The following RB1 variants were observed in gnomAD, a reference collection of about 807,000 sequenced individuals.
RB1 encodes the protein RB transcriptional corepressor 1.
RB1 carries 18 observed loss-of-function variants against 135.4 expected under a neutral mutation model. That is an observed-to-expected ratio of 0.13 (90% CI 0.09 to 0.20). The LOEUF (loss-of-function observed/expected upper bound fraction) is 0.20, where lower values mean the gene tolerates loss of function less well. RB1 is among the 10% of genes least tolerant of loss of function. The pLI is 1.00. For synonymous variants in RB1, 365 were observed against 373.2 expected, an observed-to-expected ratio of 0.98 and a Z score of 0.25; for missense variants, 868 against 1,110.0, an observed-to-expected ratio of 0.78 and a Z score of 3.10.
At chr13:48,395,520 T>C (rs1404667536) in intron 17 of RB1, among the ~76,000 whole-genome samples, 3 of 151,856 alleles carry the variant, frequency 2.0e-5, no homozygotes, top group African/African-American at 7.3e-5. Context: ...ATAACCAGTT[T>C]AGAGAAGAAC....
At chr13:48,307,432 A>G (rs1952091211) in intron 2 of RB1, 26 bp downstream of exon 2, 3 of 1,608,482 alleles carry the variant, frequency 1.9e-6, no homozygotes, top group Non-Finnish European at 2.5e-6. Flanking sequence ...AAACGTTTTG[A>G]AATTTTTTTT....
At chr13:48,322,384 C>G (rs1327647189) in intron 2 of RB1, among the ~76,000 whole-genome samples, 1 of 152,150 alleles carries the variant, frequency 6.6e-6, no homozygotes, top group Non-Finnish European at 1.5e-5. Flanking sequence ...ATTTTGTACT[C>G]TGAAAACTTG....
intron 19 of RB1, among the ~76,000 whole-genome samples, chr13:48,458,295 A>ATG (rs1949374581): frequency 6.6e-6 from 1 of 150,430 alleles, no homozygotes; most frequent in Non-Finnish European, 1.5e-5. Context: ...CTGAGTGTGT[A>ATG]TATATGGTGG....
chr13:48,444,241 G>A (rs1356777230), intron 17 of RB1, among the ~76,000 whole-genome samples: 1 of 152,170 alleles, frequency 6.6e-6, no homozygotes, highest in African/African-American at 2.4e-5. Context: ...AGGATACTGG[G>A]CACGGTGGCT....
At chr13:48,437,707 G>A (rs1949198597) in intron 17 of RB1, among the ~76,000 whole-genome samples, 1 of 152,174 alleles carries the variant, frequency 6.6e-6, no homozygotes, top group South Asian at 2.1e-4. Flanking sequence ...AACCCCAGTG[G>A]AAGAGATCCT....
intron 2 of RB1, chr13:48,317,345 C>A (rs112221704): frequency 7.8e-6 from 3 of 386,526 alleles, no homozygotes; most frequent in African/African-American, 2.1e-5. Flanking sequence ...CTCCCGACGC[C>A]CCGCCTCCAC....
At chr13:48,348,916 A>G (rs1169137111) in intron 5 of RB1, 40 bp from the exon 6 acceptor site, 2 of 1,587,046 alleles carry the variant, frequency 1.3e-6, no homozygotes, top group Non-Finnish European at 8.6e-7. Flanking sequence ...TCAGTGATAC[A>G]TTTTTCCTGT....
At chr13:48,334,999 A>C (rs1405247473) in intron 2 of RB1, among the ~76,000 whole-genome samples, 2 of 152,294 alleles carry the variant, frequency 1.3e-5, no homozygotes, top group East Asian at 3.9e-4. Context: ...ACAATTGTAG[A>C]TAATTTAAAA....
intron 17 of RB1, among the ~76,000 whole-genome samples, chr13:48,424,953 C>T (rs1949058971): frequency 6.6e-6 from 1 of 151,938 alleles, no homozygotes; most frequent in African/African-American, 2.4e-5. Context: ...ACTCAGAAGG[C>T]TAAGGCAGGA....
intron 17 of RB1, among the ~76,000 whole-genome samples, chr13:48,414,437 A>G (rs908471311): frequency 1.8e-4 from 27 of 151,950 alleles, no homozygotes; most frequent in African/African-American, 5.5e-4. Flanking sequence ...TGTAGGTGTT[A>G]TTTCCTCAAA....
At chr13:48,349,080 A>G (rs1005316428) in intron 6 of RB1, 57 bp downstream of exon 6, 4 of 1,526,796 alleles carry the variant, frequency 2.6e-6, no homozygotes, top group Non-Finnish European at 3.6e-6. Flanking sequence ...TTAAATTGGC[A>G]TTCCTTTGGA....
chr13:48,310,066 AG>A (rs1276425879), intron 2 of RB1, among the ~76,000 whole-genome samples: 5 of 152,278 alleles, frequency 3.3e-5, no homozygotes, highest in African/African-American at 1.2e-4. Context: ...GTGCTTTTGA[AG>A]GGTATGATGG....
intron 10 of RB1, 71 bp from the exon 11 acceptor site, chr13:48,368,456 T>G: frequency 6.3e-7 from 1 of 1,593,828 alleles, no homozygotes; most frequent in Admixed American, 1.7e-5. Flanking sequence ...AGCATTATAC[T>G]GCTTTTTTGA....
chr13:48,409,150 CT>C (rs1282281494), intron 17 of RB1, among the ~76,000 whole-genome samples: 245 of 130,964 alleles, frequency 1.9e-3, no homozygotes, highest in Middle Eastern at 4.0e-3. Context: ...TTTCTTTTCT[CT>C]TTTTTTTTTT....
rs190952181 is a variant in RB1, at chr13:48,363,760, A to G, written c.861+803A>G. ...TACTTGTCTTGTTCATAGAATGTGG[A>G]TGTTAGAAGGAATCTTACAAATAAT... On this transcript the variant is annotated intron_variant, in intron 8 of 26. Coordinates refer to ENST00000267163, the MANE Select transcript of RB1 (RefSeq NM_000321.3). Among the ~76,000 whole-genome samples the G allele has an allele frequency of 1.7e-3, 263 of 152,300 alleles. 1 individual carries two copies. Among genetic ancestry groups the G allele is most frequent in the African/African-American group, 5.9e-3 (245 of 41,564 alleles).
rs780264811 is a variant in RB1 at position 48,303,898 on chromosome 13, C to G, written c.-15C>G. 2.0e-6 allele frequency: 3 copies of G among 1,514,852 alleles called. No individual in the cohort carries two copies. Among genetic ancestry groups the G allele is most frequent in the Middle Eastern group, 4.6e-4 (2 of 4,314 alleles). The allele number at this position is 1,514,852 out of a possible 1,614,324, so 93.8% of individuals were successfully genotyped here. A position where few individuals can be genotyped will look rare whatever the true frequency, so the allele number is the denominator to read the frequency against. ...CTCCTCCACAGCTCGCTGGCTCCCG[C>G]CGCGGAAAGGCGTCATGCCGCCCAA... On this transcript the variant is annotated 5_prime_UTR_variant, in exon 1 of 27. Transcript: ENST00000267163.
chr13:48,477,173 A>G lies in RB1; in HGVS notation c.2664-182A>G, dbSNP rs2000992. ...ATTTTGTGAGAACCACTGAAAAAAT[A>G]CATAGCATCATAAATTTGTGACATT... On this transcript the variant is annotated intron_variant, in intron 25 of 26. Transcript: ENST00000267163. Among the ~76,000 whole-genome samples the G allele has an allele frequency of 5.1e-3, 777 of 152,328 alleles. 6 individuals are homozygous for G. Among genetic ancestry groups the G allele is most frequent in the African/African-American group, 0.016 (655 of 41,574 alleles).
At chr13:48,320,017 G>A (rs1272307231) in intron 2 of RB1, 5 of 437,252 alleles carry the variant, frequency 1.1e-5, no homozygotes, top group South Asian at 1.1e-4. Flanking sequence ...GCTGGGCTGC[G>A]CCTGGCTGGC....
intron 12 of RB1, among the ~76,000 whole-genome samples, chr13:48,373,784 C>A (rs988979838): frequency 3.3e-5 from 5 of 151,958 alleles, no homozygotes; most frequent in East Asian, 3.8e-4. Flanking sequence ...CAGATATATC[C>A]TTTGATAATT....
Sources: allele counts gnomAD v4.1 joint callset (sites outside exome capture counted in the v4.1 genomes callset), GRCh38; gene constraint gnomAD v4.1.1; transcripts MANE v1.5; gene names NCBI Gene and HGNC (gene_info 2026-07-23, HGNC 2026-07-21).